Variants in ZNF557 observed in about 807,000 individuals in gnomAD.
ZNF557 encodes the protein zinc finger protein 557.
A neutral mutation model predicts 21.2 loss-of-function variants in ZNF557; 19 were observed. The observed-to-expected ratio is 0.90, with a 90% CI of 0.63 to 1.32. The LOEUF (loss-of-function observed/expected upper bound fraction) is 1.32, where lower values mean the gene tolerates loss of function less well. ZNF557 is among the 40% of genes most tolerant of loss of function. The pLI, the probability that ZNF557 is intolerant of heterozygous loss-of-function variation, is 0.00. For missense variants in ZNF557, 487 were observed against 519.8 expected, an observed-to-expected ratio of 0.94 and a Z score of 0.61; for synonymous variants, 207 against 194.8, an observed-to-expected ratio of 1.06 and a Z score of -0.52.
rs757790766 is a variant in ZNF557 at position 7,083,405 on chromosome 19, C to T, written c.954C>T (p.Tyr318=). The T allele has an allele frequency of 1.7e-5, 27 of 1,614,114 alleles. No individual in the cohort carries two copies. Among genetic ancestry groups the T allele is most frequent in the Non-Finnish European group, 2.2e-5 (26 of 1,180,030 alleles). The change falls in exon 8 of 8, where the codon TAC becomes TAT. Residue 318 remains tyrosine (Y), a synonymous_variant. Coordinates refer to ENST00000252840, the MANE Select transcript of ZNF557 (RefSeq NM_024341.3). The stretch of plus-strand genomic sequence containing the variant: ...ACTATAGCATTCATACAGGGGAGTA[C>T]CCTTACGAATGCCACGATTGTGGGA... ...SSHYSIHTGE[Y]PYECHDCGRT... is the part of the protein sequence containing the mutation.
At chr19:7,078,783 A>G (rs1292936570) in intron 5 of ZNF557, among the ~76,000 whole-genome samples, 1 of 151,200 alleles carries the variant, frequency 6.6e-6, no homozygotes, top group Non-Finnish European at 1.5e-5. Context: ...TCCAGTAGCA[A>G]CTCCCATTAT....
intron 3 of ZNF557, 36 bp downstream of exon 3, chr19:7,075,141 G>T (rs771195976): frequency 6.2e-7 from 1 of 1,613,932 alleles, no homozygotes; most frequent in South Asian, 1.1e-5. Flanking sequence ...TCAGAGTCCA[G>T]GCTTGAAAGG....
Position 7,083,245 on chromosome 19 carries a change from A to G in ZNF557, c.794A>G (p.Lys265Arg). Reference protein sequence around the residue: ...LRIHTGEKPYKCNQCFREFRT... With the variant: ...LRIHTGEKPYRCNQCFREFRT... ...ATTCACACTGGAGAAAAACCGTACA[A>G]ATGTAACCAGTGTTTTCGTGAGTTC... is the stretch of plus-strand genomic sequence containing the variant. Residue 265 changes from lysine to arginine, a missense_variant, in exon 8 of 8, where the codon AAA becomes AGA. Coordinates refer to ENST00000252840, the MANE Select transcript of ZNF557 (RefSeq NM_024341.3). The G allele has an allele frequency of 6.2e-7, 1 of 1,614,176 alleles. No homozygotes were observed. The highest frequency in any genetic ancestry group is 8.5e-7 in the Non-Finnish European group (1 of 1,180,020).
At chr19:7,079,265 G>A (rs1332336671) in intron 5 of ZNF557, among the ~76,000 whole-genome samples, 5 of 123,914 alleles carry the variant, frequency 4.0e-5, no homozygotes. Flanking sequence ...TTTTTGAGAT[G>A]GAGTCTCACT....
At position 7,079,447 on chromosome 19, in the gene ZNF557, A is replaced by T. The variant is rs10407244; in HGVS notation, c.248-1913A>T. 1.2e-4 allele frequency among the ~76,000 whole-genome samples: 18 copies of T among 149,198 alleles called. No homozygotes were observed. The South Asian group carries it at 2.6e-3, about 21-fold the overall frequency. ...TAGTAGAGACAGGGTTCACCGTGTT[A>T]GCCAGGATGATCTCGATCTCCTGAC... On this transcript the variant is annotated intron_variant, in intron 5 of 7. Transcript: ENST00000252840.
Position 7,083,692 on chromosome 19 carries a change from C to T in ZNF557, c.1241C>T (p.Thr414Ile), listed in dbSNP as rs547038463. Residue 414 changes from threonine to isoleucine, a missense_variant, in exon 8 of 8, where the codon ACA becomes ATA. Physicochemically the swap from Thr to Ile is moderately conservative, Grantham distance 89. Transcript: ENST00000252840. ...TGTAATTATTGCGGGAAATCCTTCA[C>T]AAGTAACTCCTACCTTTCTGTGCAT... ...YECNYCGKSF[T>I]SNSYLSVHTR... 4.4e-5 allele frequency: 71 copies of T among 1,613,692 alleles called. No individual in the cohort carries two copies. In the African/African-American group the frequency reaches 8.0e-4, roughly 18 times the overall value.
chr19:7,074,574 TAGGG>T (rs962187072), intron 2 of ZNF557, among the ~76,000 whole-genome samples: 5 of 150,824 alleles, frequency 3.3e-5, no homozygotes, highest in East Asian at 1.9e-4. Context: ...TGCAGGAACC[TAGGG>T]TCTCTGATAG....
At chr19:7,077,778 C>T (rs570395448) in intron 5 of ZNF557, among the ~76,000 whole-genome samples, 7 of 152,282 alleles carry the variant, frequency 4.6e-5, no homozygotes, top group South Asian at 4.1e-4. Flanking sequence ...AGACCAGCAA[C>T]GTATTAGTTT....
rs764127999 is a variant in ZNF557 at position 7,083,089 on chromosome 19, G to A, written c.638G>A (p.Cys213Tyr). 1 of 1,614,118 alleles carries A rather than the reference G, an allele frequency of 6.2e-7. No homozygotes were observed. ...NGEKPYECND[C>Y]GKTFSSRSYL... is the part of the protein sequence containing the mutation. ...GAGAAACCCTATGAATGCAATGACTGTGGGAAAACCTTCAGCAGCAGATCT... is the reference window on the plus strand; with the variant it reads ...GAGAAACCCTATGAATGCAATGACTATGGGAAAACCTTCAGCAGCAGATCT... The change falls in exon 8 of 8, where the codon TGT becomes TAT. Residue 213 changes from cysteine to tyrosine, a missense_variant. By Grantham distance (194) the Cys-to-Tyr change is radical. Transcript: ENST00000252840.
chr19:7,081,046 AT>A (rs1977687502), intron 5 of ZNF557, among the ~76,000 whole-genome samples: 1 of 151,750 alleles, frequency 6.6e-6, no homozygotes, highest in Admixed American at 6.6e-5. Context: ...CTGACTATAT[AT>A]TCTCTGTAGT....
At chr19:7,072,779 T>A (rs367705865) in intron 2 of ZNF557, among the ~76,000 whole-genome samples, 2 of 152,312 alleles carry the variant, frequency 1.3e-5, no homozygotes, top group African/African-American at 2.4e-5. Context: ...CCATATCACA[T>A]ATCACTCTGA....
intron 2 of ZNF557, among the ~76,000 whole-genome samples, chr19:7,071,476 C>T (rs1301233329): frequency 1.3e-5 from 2 of 152,190 alleles, no homozygotes; most frequent in African/African-American, 4.8e-5. Flanking sequence ...CCCAGAAAGC[C>T]CTGCTGGGCG....
chr19:7,081,865 CCT>C, intron 6 of ZNF557, 103 bp from the exon 7 acceptor site: 1 of 824,916 alleles, frequency 1.2e-6, no homozygotes, highest in East Asian at 2.5e-5. Context: ...AAAACCCTCA[CCT>C]CTCAGATTCT....
Position 7,085,840 on chromosome 19 carries a change from TAC to T in ZNF557, c.*2098_*2099del, listed in dbSNP as rs1242621078. 2.0e-5 allele frequency: 3 copies of T among 152,210 alleles called. No homozygotes were observed. Among genetic ancestry groups the T allele is most frequent in the African/African-American group, 7.2e-5 (3 of 41,446 alleles). 9.4% of individuals were successfully genotyped at this position (152,210 alleles called of 1,614,324 possible). On this transcript the variant is annotated 3_prime_UTR_variant, in exon 8 of 8. Transcript: ENST00000252840. ...GAAAATCTTACTACCTCGTTTTATA[TAC>T]AGTGTATTTATTATAATTCTAAAAC...
rs1213420647 is a variant in ZNF557, at chr19:7,086,055, C to A, written c.*2311C>A. 2 of 151,592 alleles carry A rather than the reference C, an allele frequency of 1.3e-5. No individual in the cohort carries two copies. The highest frequency in any genetic ancestry group is 4.8e-5 in the African/African-American group (2 of 41,274). The allele number at this position is 151,592 out of a possible 1,614,324, so 9.4% of individuals were successfully genotyped here. A position where few individuals can be genotyped will look rare whatever the true frequency, so the allele number is the denominator to read the frequency against. The stretch of plus-strand genomic sequence containing the variant: ...GACCAGCCTGGCCAACATGGTGAAA[C>A]CCCGCTTCTACTAAAAAATACAAAA... On this transcript the variant is annotated 3_prime_UTR_variant, in exon 8 of 8. Coordinates refer to ENST00000252840, the MANE Select transcript of ZNF557 (RefSeq NM_024341.3).
At position 7,081,990 on chromosome 19, in the gene ZNF557, G is replaced by T; in HGVS notation, c.364G>T (p.Ala122Ser). Residue 122 changes from alanine (A) to serine (S), a missense_variant, in exon 7 of 8, where the codon GCC becomes TCC. Transcript: ENST00000252840. ...TCPDVENPFK[A>S]KGLTPKLHVF... ...TTCAGATGTGGAGAATCCATTTAAA[G>T]CCAAAGGGTTAACTCCTAAGCTGCA... 2 of 1,613,938 alleles carry T rather than the reference G, an allele frequency of 1.2e-6. No individual in the cohort carries two copies. The highest frequency in any genetic ancestry group is 8.5e-7 in the Non-Finnish European group (1 of 1,179,852).
chr19:7,083,203 T>G lies in ZNF557; in HGVS notation c.752T>G (p.Leu251Arg). 6.2e-7 allele frequency: 1 copy of G among 1,614,182 alleles called. No individual in the cohort carries two copies. The highest frequency in any genetic ancestry group is 8.5e-7 in the Non-Finnish European group (1 of 1,180,042). Residue 251 changes from leucine (L) to arginine (R), a missense_variant, in exon 8 of 8, where the codon CTC becomes CGC. Leu to Arg is a moderately radical substitution (Grantham distance 102). Coordinates refer to ENST00000252840, the MANE Select transcript of ZNF557 (RefSeq NM_024341.3). ...AAAACCTTCAGCAATTCCTCATACC[T>G]CAGACCGCACTTGAGAATTCACACT... is the stretch of plus-strand genomic sequence containing the variant. ...CGKTFSNSSYLRPHLRIHTGE... is the reference protein window; with the variant it reads ...CGKTFSNSSYRRPHLRIHTGE...
rs901635939 is a variant in ZNF557 at position 7,085,839 on chromosome 19, A to G, written c.*2095A>G. 6.6e-6 allele frequency: 1 copy of G among 152,192 alleles called. No homozygotes were observed. The highest frequency in any genetic ancestry group is 2.4e-5 in the African/African-American group (1 of 41,438). 9.4% of individuals were successfully genotyped at this position (152,192 alleles called of 1,614,324 possible). On this transcript the variant is annotated 3_prime_UTR_variant, in exon 8 of 8. Transcript: ENST00000252840. ...TGAAAATCTTACTACCTCGTTTTAT[A>G]TACAGTGTATTTATTATAATTCTAA...
At chr19:7,078,462 A>T (rs1977628114) in intron 5 of ZNF557, among the ~76,000 whole-genome samples, 1 of 138,042 alleles carries the variant, frequency 7.2e-6, no homozygotes. Flanking sequence ...CCGGAGTCTC[A>T]CTCTGTCGCC....
Sources: gnomAD v4.1 joint callset for allele counts (sites outside exome capture counted in the v4.1 genomes callset) on GRCh38, gnomAD v4.1.1 for gene constraint, MANE v1.5 for transcripts, NCBI Gene and HGNC (gene_info 2026-07-23, HGNC 2026-07-21) for gene names.